The following MYO9A variants were observed in gnomAD, a reference collection of about 807,000 sequenced individuals.
MYO9A encodes unconventional myosin-IXa.
In MYO9A, 103 loss-of-function variants were observed where a neutral mutation model predicts 293.3. The observed-to-expected ratio is 0.35, with a 90% CI of 0.30 to 0.41. MYO9A has a LOEUF of 0.41. MYO9A is among the 10% of genes least tolerant of loss of function. MYO9A has a pLI of 1.00. For missense variants in MYO9A, 2,685 were observed against 3,033.0 expected (o/e 0.89, Z 2.69); for synonymous variants, 1,001 against 1,035.7 (o/e 0.97, Z 0.64).
intron 19 of MYO9A, 93 bp from the exon 20 acceptor site, chr15:71,905,099 C>A (rs2057591859): frequency 6.4e-6 from 7 of 1,088,984 alleles, no homozygotes; most frequent in Admixed American, 2.3e-5. Flanking sequence ...GCAAAACATT[C>A]AAAAAGTAGA....
At chr15:71,902,194 C>T (rs1433319972) in intron 22 of MYO9A, among the ~76,000 whole-genome samples, 3 of 151,690 alleles carry the variant, frequency 2.0e-5, no homozygotes, top group Non-Finnish European at 4.4e-5. Flanking sequence ...CAGGAGACAA[C>T]GGGACAATTA....
intron 33 of MYO9A, among the ~76,000 whole-genome samples, chr15:71,860,665 T>A (rs1361876804): frequency 2.0e-5 from 3 of 151,814 alleles, no homozygotes; most frequent in African/African-American, 7.3e-5. Context: ...TAGCTAATTC[T>A]ATTAAAAAAT....
chr15:72,118,542 T>A (rs893175574), upstream of MYO9A: 3 of 152,172 alleles, frequency 2.0e-5, no homozygotes, highest in African/African-American at 7.2e-5. Flanking sequence ...GGCGTATCCG[T>A]GCTCCCTCCC....
At position 71,974,169 on chromosome 15, in the gene MYO9A, T is replaced by C. The variant is rs117903239; in HGVS notation, c.1844+4002A>G. ...GCATGGATTTGGACAATCATCATCT[T>C]TTCAGAACGAGAAACACATTGTACA... On this transcript the variant is annotated intron_variant, in intron 12 of 41. Coordinates refer to ENST00000356056, the MANE Select transcript of MYO9A (RefSeq NM_006901.4). Among the ~76,000 whole-genome samples, 101 of 152,270 alleles carry C rather than the reference T, an allele frequency of 6.6e-4. 1 individual carries two copies. In the East Asian group the frequency reaches 0.019, roughly 29 times the overall value.
At chr15:72,038,180 C>G (rs921090007) in intron 2 of MYO9A, among the ~76,000 whole-genome samples, 1 of 152,186 alleles carries the variant, frequency 6.6e-6, no homozygotes, top group Non-Finnish European at 1.5e-5. Flanking sequence ...TCCTTGGCCT[C>G]CCAAAGTGCT....
chr15:72,062,251 A>T (rs2078899057), intron 1 of MYO9A, among the ~76,000 whole-genome samples: 1 of 152,226 alleles, frequency 6.6e-6, no homozygotes, highest in Non-Finnish European at 1.5e-5. Flanking sequence ...AAAAAAGCCC[A>T]GACAGCAAAG....
intron 39 of MYO9A, among the ~76,000 whole-genome samples, chr15:71,844,732 T>C (rs796834522): frequency 9.9e-5 from 15 of 152,228 alleles, no homozygotes; most frequent in African/African-American, 3.1e-4. Flanking sequence ...CAAGGCATGA[T>C]TGATGGGCAC....
chr15:71,938,334 A>G (rs1317096501), intron 16 of MYO9A, among the ~76,000 whole-genome samples: 1 of 60,290 alleles, frequency 1.7e-5, no homozygotes, highest in Non-Finnish European at 3.7e-5. Flanking sequence ...TTTATTAAAT[A>G]GTATATATAA....
intron 1 of MYO9A, among the ~76,000 whole-genome samples, chr15:72,064,222 TAGAA>T (rs1182645167): frequency 6.6e-6 from 1 of 152,052 alleles, no homozygotes; most frequent in Non-Finnish European, 1.5e-5. Flanking sequence ...AAAATATAGT[TAGAA>T]TGAATAAGAT....
At chr15:71,894,272 T>G (rs1432293306) in intron 25 of MYO9A, among the ~76,000 whole-genome samples, 1 of 152,162 alleles carries the variant, frequency 6.6e-6, no homozygotes, top group Non-Finnish European at 1.5e-5. Flanking sequence ...CCACTGTCTT[T>G]GAGTTTTAAA....
intron 34 of MYO9A, among the ~76,000 whole-genome samples, chr15:71,859,364 T>A (rs555318487): frequency 2.0e-5 from 3 of 152,346 alleles, no homozygotes; most frequent in African/African-American, 7.2e-5. Context: ...ATTTTGCTAC[T>A]CATGTTTAAA....
intron 1 of MYO9A, among the ~76,000 whole-genome samples, chr15:72,050,153 T>C (rs1334342257): frequency 6.6e-6 from 1 of 151,902 alleles, no homozygotes; most frequent in Non-Finnish European, 1.5e-5. Flanking sequence ...GTGGGTTTTT[T>C]TGTTTTGTTT....
chr15:72,014,363 G>C (rs558975653), intron 6 of MYO9A, among the ~76,000 whole-genome samples: 28 of 152,046 alleles, frequency 1.8e-4, no homozygotes, highest in African/African-American at 6.3e-4. Flanking sequence ...TTATAAAAAT[G>C]TATGATTTCT....
At chr15:72,118,216 A>C, upstream of MYO9A, 1 of 342,388 alleles carries the variant, frequency 2.9e-6, no homozygotes, top group Non-Finnish European at 5.2e-6. Context: ...CCCGCACGTG[A>C]CGCCACTGGA....
intron 1 of MYO9A, among the ~76,000 whole-genome samples, chr15:72,104,460 AT>A (rs1390889403): frequency 6.6e-6 from 1 of 152,236 alleles, no homozygotes; most frequent in African/African-American, 2.4e-5. Flanking sequence ...ATACGGTAAT[AT>A]AAGTCTGGTA....
chr15:72,101,159 G>A (rs1171776579), intron 1 of MYO9A, among the ~76,000 whole-genome samples: 87 of 142,630 alleles, frequency 6.1e-4, no homozygotes, highest in South Asian at 1.1e-3. Context: ...CGTCTGGGAG[G>A]TGAGGGGTGC....
chr15:71,826,474 G>C lies in MYO9A; in HGVS notation c.*106C>G. 2.7e-6 allele frequency: 3 copies of C among 1,127,772 alleles called. No homozygotes were observed. The highest frequency in any genetic ancestry group is 3.8e-6 in the Non-Finnish European group (3 of 794,058). 69.9% of individuals were successfully genotyped at this position (1,127,772 alleles called of 1,614,324 possible). On this transcript the variant is annotated 3_prime_UTR_variant, in exon 42 of 42. Transcript: ENST00000356056. Reference sequence around the variant, plus strand: ...TAGCCATATGCTTAGAAAAGAGGCAGGACCACAATTAGGATTGACTATTGT... The same window carrying C: ...TAGCCATATGCTTAGAAAAGAGGCACGACCACAATTAGGATTGACTATTGT...
intron 39 of MYO9A, among the ~76,000 whole-genome samples, chr15:71,830,821 G>A (rs1447826224): frequency 3.3e-5 from 5 of 151,914 alleles, no homozygotes; most frequent in Admixed American, 3.3e-4. Flanking sequence ...AATCTCTCTA[G>A]GAAGACCATA....
chr15:71,849,998 C>A, intron 38 of MYO9A, 38 bp downstream of exon 38: 1 of 1,596,062 alleles, frequency 6.3e-7, no homozygotes, highest in South Asian at 1.1e-5. Flanking sequence ...AGTCAGAAGT[C>A]CCTGAGGTCT....
Sources: allele counts gnomAD v4.1 joint callset (sites outside exome capture counted in the v4.1 genomes callset), GRCh38; gene constraint gnomAD v4.1.1; transcripts MANE v1.5; gene names NCBI Gene and HGNC (gene_info 2026-07-23, HGNC 2026-07-21).